SORBS2: variants seen among roughly 807,000 people sequenced by gnomAD.
SORBS2 encodes the protein sorbin and SH3 domain-containing protein 2.
Under a neutral mutation model 97.7 loss-of-function variants are expected in SORBS2, and 46 were observed. That is an observed-to-expected ratio of 0.47 (90% CI 0.37 to 0.60). SORBS2 has a LOEUF of 0.60. Among genes scored for constraint, SORBS2 ranks in the 20% least tolerant of loss-of-function variants. The pLI is 0.00. For synonymous variants in SORBS2, 476 were observed against 473.4 expected (o/e 1.01, Z -0.07); for missense variants, 1,316 against 1,282.3 (o/e 1.03, Z -0.40).
At chr4:185,856,123 T>C (rs926593583) in intron 1 of SORBS2, among the ~76,000 whole-genome samples, 1 of 152,178 alleles carries the variant, frequency 6.6e-6, no homozygotes, top group Non-Finnish European at 1.5e-5. Flanking sequence ...CACATTCCGT[T>C]CTGTTATTCA....
chr4:185,925,180 C>G (rs2099263009), intron 1 of SORBS2, among the ~76,000 whole-genome samples: 1 of 152,202 alleles, frequency 6.6e-6, no homozygotes, highest in Admixed American at 6.5e-5. Context: ...TTCTGATAAA[C>G]TGTGTGATTT....
intron 1 of SORBS2, among the ~76,000 whole-genome samples, chr4:185,909,081 A>T (rs931832176): frequency 6.6e-6 from 1 of 152,310 alleles, no homozygotes; most frequent in East Asian, 1.9e-4. Flanking sequence ...CGTTATATCA[A>T]AAAGACATCT....
At chr4:185,691,394 T>C (rs527581471) in intron 2 of SORBS2, among the ~76,000 whole-genome samples, 10 of 152,252 alleles carry the variant, frequency 6.6e-5, no homozygotes, top group African/African-American at 2.2e-4. Context: ...TTAAATTTCT[T>C]TTACAAATAT....
intron 7 of SORBS2, among the ~76,000 whole-genome samples, chr4:185,622,188 G>A (rs1233304162): frequency 6.6e-6 from 1 of 152,168 alleles, no homozygotes; most frequent in East Asian, 1.9e-4. Context: ...TATGAAAATA[G>A]AGTTTAGAGT....
At chr4:185,736,141 A>G (rs1037766491) in intron 2 of SORBS2, among the ~76,000 whole-genome samples, 2 of 152,352 alleles carry the variant, frequency 1.3e-5, no homozygotes, top group African/African-American at 4.8e-5. Flanking sequence ...GACCCTTGTC[A>G]TCATCCCACA....
At chr4:185,701,128 T>G (rs2098255726) in intron 2 of SORBS2, among the ~76,000 whole-genome samples, 1 of 152,224 alleles carries the variant, frequency 6.6e-6, no homozygotes, top group Non-Finnish European at 1.5e-5. Flanking sequence ...CTACTCAGTC[T>G]GATCTTTATT....
rs1410608591 is a variant in SORBS2 at position 185,641,395 on chromosome 4, CTA to C, written c.396+5271_396+5272del. Among the ~76,000 whole-genome samples, 8 of 152,204 alleles carry C rather than the reference CTA, an allele frequency of 5.3e-5. No individual in the cohort carries two copies. In the South Asian group the frequency reaches 1.7e-3, roughly 32 times the overall value. Reference sequence around the variant, plus strand: ...GTTAAAGGAAGTGTTAGTGGCAGAACTAGAATTTTCTCTTTGCTGTGGTTGCC... The same window carrying C: ...GTTAAAGGAAGTGTTAGTGGCAGAACGAATTTTCTCTTTGCTGTGGTTGCC... On this transcript the variant is annotated intron_variant, in intron 4 of 14. Coordinates refer to ENST00000418609, the Ensembl canonical transcript of SORBS2.
chr4:185,894,340 TA>T (rs1351460039), intron 1 of SORBS2: 2 of 152,086 alleles, frequency 1.3e-5, no homozygotes. Flanking sequence ...ACATCAAAAT[TA>T]GATTTTGACT....
At chr4:185,876,066 C>G (rs1292300954) in intron 1 of SORBS2, among the ~76,000 whole-genome samples, 5 of 152,120 alleles carry the variant, frequency 3.3e-5, no homozygotes, top group African/African-American at 1.2e-4. Flanking sequence ...TAAAGTACTT[C>G]TCTATTGCAG....
At chr4:185,706,664 G>A (rs187709585) in intron 2 of SORBS2, among the ~76,000 whole-genome samples, 11 of 152,232 alleles carry the variant, frequency 7.2e-5, no homozygotes, top group African/African-American at 2.2e-4. Context: ...CATTTGAGTA[G>A]CCATCATTCT....
chr4:185,792,602 A>G (rs1157309950), intron 1 of SORBS2, among the ~76,000 whole-genome samples: 1 of 152,160 alleles, frequency 6.6e-6, no homozygotes, highest in Admixed American at 6.5e-5. Flanking sequence ...GAACAAGCAA[A>G]GAGAAGAAAA....
intron 1 of SORBS2, among the ~76,000 whole-genome samples, chr4:185,776,757 G>C (rs1169998661): frequency 6.6e-6 from 1 of 151,934 alleles, no homozygotes; most frequent in Non-Finnish European, 1.5e-5. Context: ...AAAATTAGCA[G>C]GATGTCGTGG....
intron 2 of SORBS2, among the ~76,000 whole-genome samples, chr4:185,735,169 G>C (rs543946193): frequency 6.6e-6 from 1 of 152,312 alleles, no homozygotes; most frequent in African/African-American, 2.4e-5. Context: ...GATGTGGGGA[G>C]CTGCCTGGGG....
At chr4:185,878,746 TC>T (rs2099235060) in intron 1 of SORBS2, among the ~76,000 whole-genome samples, 1 of 152,108 alleles carries the variant, frequency 6.6e-6, no homozygotes, top group African/African-American at 2.4e-5. Flanking sequence ...ATTCTATCAC[TC>T]CCCAGTGGAG....
intron 2 of SORBS2, among the ~76,000 whole-genome samples, chr4:185,701,778 T>TC (rs1310342576): frequency 3.3e-5 from 5 of 151,144 alleles, no homozygotes; most frequent in South Asian, 2.1e-4. Flanking sequence ...TTTCTTTCTT[T>TC]TTTTTTTTTT....
intron 2 of SORBS2, among the ~76,000 whole-genome samples, chr4:185,744,949 A>G (rs543511234): frequency 2.0e-5 from 3 of 152,338 alleles, no homozygotes; most frequent in African/African-American, 7.2e-5. Flanking sequence ...GTCATATTGA[A>G]GTCGCCCAAA....
intron 1 of SORBS2, among the ~76,000 whole-genome samples, chr4:185,827,267 CCAT>C (rs1585258201): frequency 3.6e-5 from 1 of 27,524 alleles, no homozygotes; most frequent in African/African-American, 1.4e-4. Context: ...ACCATCATCA[CCAT>C]CATCACCATC....
At chr4:185,814,456 G>A (rs1222922244) in intron 1 of SORBS2, among the ~76,000 whole-genome samples, 1 of 152,136 alleles carries the variant, frequency 6.6e-6, no homozygotes, top group Admixed American at 6.5e-5. Context: ...AAGGAGGAAT[G>A]TTTGAGCCTG....
intron 14 of SORBS2, among the ~76,000 whole-genome samples, chr4:185,588,618 T>TCCTCCCTCCTCCTCCTC (rs2095847736): frequency 2.7e-5 from 4 of 146,010 alleles, no homozygotes; most frequent in African/African-American, 5.0e-5. Flanking sequence ...CTCCTCCTCC[T>TCCTCCCTCCTCCTCCTC]CCTCCTTGTT....
Sources: allele counts gnomAD v4.1 joint callset (sites outside exome capture counted in the v4.1 genomes callset), GRCh38; gene constraint gnomAD v4.1.1; transcripts MANE v1.5; gene names NCBI Gene and HGNC (gene_info 2026-07-23, HGNC 2026-07-21).